SHANK2: variants seen among roughly 807,000 people sequenced by gnomAD.
SHANK2 encodes SH3 and multiple ankyrin repeat domains 2.
In SHANK2, 43 loss-of-function variants were observed where a neutral mutation model predicts 133.7. That is an observed-to-expected ratio of 0.32 (90% CI 0.25 to 0.41). The LOEUF is 0.41. Among genes scored for constraint, SHANK2 ranks in the 10% least tolerant of loss-of-function variants. The probability of loss-of-function intolerance (pLI) is 1.00; values close to 1 mark genes in which losing one functional copy is unlikely to be tolerated. For missense variants in SHANK2, 1,994 were observed against 2,235.8 expected, an observed-to-expected ratio of 0.89 and a Z score of 2.18; for synonymous variants, 1,017 against 952.8, an observed-to-expected ratio of 1.07 and a Z score of -1.24.
intron 2 of SHANK2, among the ~76,000 whole-genome samples, chr11:71,218,821 T>A (rs1420657608): frequency 1.3e-5 from 2 of 152,236 alleles, no homozygotes; most frequent in Non-Finnish European, 2.9e-5. Context: ...AGCCCCAGAC[T>A]TGCTGTCCTG....
intron 17 of SHANK2, among the ~76,000 whole-genome samples, chr11:70,549,474 G>C (rs1286932752): frequency 6.6e-6 from 1 of 152,200 alleles, no homozygotes; most frequent in Non-Finnish European, 1.5e-5. Flanking sequence ...TTTGGTGATG[G>C]GACATCGACT....
At chr11:70,474,387 G>A (rs1417679505) in intron 25 of SHANK2, 2 of 152,224 alleles carry the variant, frequency 1.3e-5, no homozygotes, top group Non-Finnish European at 2.9e-5. Context: ...TCAAGTCAGG[G>A]AGGACGACCC....
chr11:71,219,260 G>A lies in SHANK2; in HGVS notation c.-13+5437C>T, dbSNP rs1289436868. ...TGCAGAGCATGCAGTCTGTCACAAC[G>A]ATTCAACTCTGCCACACACAACGTG... On this transcript the variant is annotated intron_variant, in intron 2 of 25. Coordinates refer to ENST00000601538, the MANE Select transcript of SHANK2 (RefSeq NM_012309.5). 2.0e-5 allele frequency among the ~76,000 whole-genome samples: 3 copies of A among 152,170 alleles called. No homozygotes were observed. The East Asian group carries it at 5.8e-4, about 29-fold the overall frequency.
chr11:70,617,405 G>A (rs11236898), intron 17 of SHANK2, among the ~76,000 whole-genome samples: 26,317 of 152,168 alleles, frequency 0.17, 2,500 homozygotes, highest in South Asian at 0.33. Context: ...TGGATGGAAT[G>A]TGGCCCCCAG....
At chr11:70,613,331 G>GTA (rs1554994910) in intron 17 of SHANK2, among the ~76,000 whole-genome samples, 2 of 152,008 alleles carry the variant, frequency 1.3e-5, no homozygotes, top group Non-Finnish European at 2.9e-5. Context: ...CGCCTCCCAA[G>GTA]TAGGTGGGAC....
chr11:71,153,934 C>A (rs1952851547), intron 2 of SHANK2, among the ~76,000 whole-genome samples: 1 of 152,176 alleles, frequency 6.6e-6, no homozygotes, highest in Non-Finnish European at 1.5e-5. Context: ...CGTACCACTG[C>A]ACTCCAGCCT....
At chr11:70,617,732 G>A (rs782080552) in intron 17 of SHANK2, among the ~76,000 whole-genome samples, 25 of 152,112 alleles carry the variant, frequency 1.6e-4, no homozygotes, top group Admixed American at 3.3e-4. Context: ...CTGAAAAACA[G>A]TATTTTTCTG....
At chr11:70,677,773 C>T (rs1357686897) in intron 15 of SHANK2, among the ~76,000 whole-genome samples, 1 of 152,236 alleles carries the variant, frequency 6.6e-6, no homozygotes, top group African/African-American at 2.4e-5. Context: ...CACTCCCTCT[C>T]ACACTGCTCT....
chr11:70,508,896 A>G (rs1244365985), intron 17 of SHANK2, among the ~76,000 whole-genome samples: 1 of 152,188 alleles, frequency 6.6e-6, no homozygotes, highest in Non-Finnish European at 1.5e-5. Context: ...CTCAAAAGAA[A>G]GAGAGTCGGG....
In SHANK2 at chr11:70,500,181, G is replaced by A. The variant is rs977944488; in HGVS notation, c.2308+389C>T. 7.9e-5 allele frequency among the ~76,000 whole-genome samples: 12 copies of A among 152,000 alleles called. No individual in the cohort carries two copies. The highest frequency in any genetic ancestry group is 4.4e-5 in the Non-Finnish European group (3 of 68,012). The stretch of plus-strand genomic sequence containing the variant: ...GCCTCTTGGGGAATGGGTGATTTCC[G>A]GGCCTTAAAGGGAGGCAGTTCCTGC... On this transcript the variant is annotated intron_variant, in intron 21 of 25. Transcript: ENST00000601538. The surrounding 1 kb of genome is among the most constrained non-coding windows in gnomAD (Gnocchi z 4.5).
At chr11:70,800,626 AC>A (rs1304383485) in intron 13 of SHANK2, among the ~76,000 whole-genome samples, 7 of 152,170 alleles carry the variant, frequency 4.6e-5, no homozygotes, top group Non-Finnish European at 1.0e-4. Context: ...TGAAGAAATG[AC>A]CTAACTGAAA....
At chr11:70,606,399 A>G (rs2060577154) in intron 17 of SHANK2, among the ~76,000 whole-genome samples, 1 of 151,580 alleles carries the variant, frequency 6.6e-6, no homozygotes, top group African/African-American at 2.4e-5. Flanking sequence ...AAAAAATAAA[A>G]AATTAGCAGG....
At chr11:70,679,858 C>A (rs572685985) in intron 15 of SHANK2, among the ~76,000 whole-genome samples, 1 of 152,206 alleles carries the variant, frequency 6.6e-6, no homozygotes, top group Non-Finnish European at 1.5e-5. Context: ...CGTCCACCTG[C>A]CAACAGTTGT....
chr11:71,086,879 C>T (rs1951427173), intron 8 of SHANK2, among the ~76,000 whole-genome samples: 1 of 152,176 alleles, frequency 6.6e-6, no homozygotes, highest in African/African-American at 2.4e-5. Flanking sequence ...TGAGAGGAGG[C>T]TCGCGAAGGC....
intron 22 of SHANK2, 70 bp from the exon 23 acceptor site, chr11:70,490,457 G>C: frequency 7.7e-7 from 1 of 1,300,312 alleles, no homozygotes; most frequent in Non-Finnish European, 1.1e-6. Context: ...AGGGCCCAGA[G>C]ACCACAAGGG....
At chr11:70,787,481 GTGACCACCACCACCAGCATCACCACCA>G (rs1947693907) in intron 14 of SHANK2, among the ~76,000 whole-genome samples, 2 of 34,834 alleles carry the variant, frequency 5.7e-5, no homozygotes, top group African/African-American at 1.6e-4. Context: ...TATCATCACC[GTGACCACCACCACCAGCATCACCACCA>G]TCATCACCAA....
At chr11:70,642,705 T>G (rs2061200938) in intron 17 of SHANK2, among the ~76,000 whole-genome samples, 1 of 152,162 alleles carries the variant, frequency 6.6e-6, no homozygotes, top group Admixed American at 6.5e-5. Context: ...TCCTGGAAAT[T>G]TATATCTGGC....
intron 11 of SHANK2, among the ~76,000 whole-genome samples, chr11:70,852,515 AG>A (rs1555065855): frequency 6.6e-6 from 1 of 152,162 alleles, no homozygotes; most frequent in African/African-American, 2.4e-5. Context: ...CACTCCACGA[AG>A]GTCCCCAGGT....
At chr11:71,121,001 G>C (rs1952075569) in intron 3 of SHANK2, among the ~76,000 whole-genome samples, 1 of 152,230 alleles carries the variant, frequency 6.6e-6, no homozygotes, top group East Asian at 1.9e-4. Flanking sequence ...TTGTGGACAG[G>C]GTGGGGATGC....
Sources: allele counts gnomAD v4.1 joint callset (sites outside exome capture counted in the v4.1 genomes callset), GRCh38; gene constraint gnomAD v4.1.1; non-coding constraint Gnocchi (gnomAD v3.1); transcripts MANE v1.5; gene names NCBI Gene and HGNC (gene_info 2026-07-23, HGNC 2026-07-21).